ERV3-1: variants seen among roughly 807,000 people sequenced by gnomAD.
ERV3-1 encodes the protein endogenous retrovirus group 3 member 1 Env polyprotein.
ERV3-1 carries 36 observed loss-of-function variants against 24.6 expected under a neutral mutation model. The ratio of observed to expected loss-of-function variants is 1.47; its 90% CI spans 1.12 to 1.94. The LOEUF (loss-of-function observed/expected upper bound fraction) is 1.94, where lower values mean the gene tolerates loss of function less well. ERV3-1 is among the 30% of genes most tolerant of loss of function. The pLI is 0.00. For missense variants in ERV3-1, 578 were observed against 330.9 expected (o/e 1.75, Z -5.79); for synonymous variants, 211 against 122.6 (o/e 1.72, Z -4.76).
chr7:64,996,805 G>T (rs1379803399), intron 1 of ERV3-1, among the ~76,000 whole-genome samples: 1 of 152,198 alleles, frequency 6.6e-6, no homozygotes, highest in East Asian at 1.9e-4. Flanking sequence ...TCACTACCAA[G>T]TGTTCAGCCC....
chr7:64,994,668 A>C (rs1213123209), intron 1 of ERV3-1, among the ~76,000 whole-genome samples: 2 of 152,040 alleles, frequency 1.3e-5, no homozygotes, highest in African/African-American at 4.8e-5. Context: ...TTTCCATTTT[A>C]TTTCTTTGCC....
chr7:64,993,901 T>C (rs73365374), intron 1 of ERV3-1, among the ~76,000 whole-genome samples: 2,092 of 152,296 alleles, frequency 0.014, 42 homozygotes, highest in African/African-American at 0.047. Flanking sequence ...AACACTCGTG[T>C]TAGTTCCTGA....
chr7:64,998,805 C>T lies in ERV3-1; in HGVS notation c.-388-5391G>A, dbSNP rs547559563. 2.6e-5 allele frequency among the ~76,000 whole-genome samples: 4 copies of T among 152,278 alleles called. No individual in the cohort carries two copies. The South Asian group carries it at 6.2e-4, about 24-fold the overall frequency. ...CCCAAAGGATGTTTGCCACTAGTCT[C>T]GGTCGGTTCCACACTTCACTCAGAT... On this transcript the variant is annotated intron_variant, in intron 1 of 1. Coordinates refer to ENST00000394323, the MANE Select transcript of ERV3-1 (RefSeq NM_001007253.4).
rs906592841 is a variant in ERV3-1, at chr7:65,006,683, G to A, written c.-531C>T. Reference sequence around the variant, plus strand: ...ACACCAGAAGCTCCGGCTGCCGCCAGAGACAAAGGCCCCACCAAACCCGGA... The same window carrying A: ...ACACCAGAAGCTCCGGCTGCCGCCAAAGACAAAGGCCCCACCAAACCCGGA... On this transcript the variant is annotated 5_prime_UTR_variant, in exon 1 of 2. Transcript: ENST00000394323. 6.8e-5 allele frequency: 99 copies of A among 1,459,192 alleles called. No homozygotes were observed. Among genetic ancestry groups the A allele is most frequent in the Non-Finnish European group, 8.8e-5 (92 of 1,047,162 alleles). 90.4% of individuals were successfully genotyped at this position (1,459,192 alleles called of 1,614,324 possible). A position where few individuals can be genotyped will look rare whatever the true frequency, so the allele number is the denominator to read the frequency against.
chr7:64,995,469 A>C (rs1254426570), intron 1 of ERV3-1, among the ~76,000 whole-genome samples: 2 of 152,136 alleles, frequency 1.3e-5, no homozygotes, highest in Non-Finnish European at 2.9e-5. Context: ...TTGTTTAAAC[A>C]CCTTCTTCTG....
intron 1 of ERV3-1, among the ~76,000 whole-genome samples, chr7:65,000,430 A>G (rs1786495692): frequency 6.6e-6 from 1 of 151,636 alleles, no homozygotes; most frequent in African/African-American, 2.4e-5. Flanking sequence ...TCATCGTGTT[A>G]GCCAGGATGG....
At chr7:64,999,688 A>C (rs1786478600) in intron 1 of ERV3-1, among the ~76,000 whole-genome samples, 1 of 152,234 alleles carries the variant, frequency 6.6e-6, no homozygotes, top group Admixed American at 6.5e-5. Context: ...AACTTGCAGA[A>C]ATAGTTACAA....
chr7:64,996,799 T>C (rs1330169916), intron 1 of ERV3-1, among the ~76,000 whole-genome samples: 2 of 152,208 alleles, frequency 1.3e-5, no homozygotes, highest in Non-Finnish European at 2.9e-5. Flanking sequence ...GCTGGGTCAC[T>C]ACCAAGTGTT....
chr7:65,000,425 G>A (rs925710584), intron 1 of ERV3-1, among the ~76,000 whole-genome samples: 13 of 151,494 alleles, frequency 8.6e-5, no homozygotes, highest in Admixed American at 2.6e-4. Flanking sequence ...GGGTGTCATC[G>A]TGTTAGCCAG....
chr7:64,995,513 C>T (rs933328610), intron 1 of ERV3-1, among the ~76,000 whole-genome samples: 2 of 152,150 alleles, frequency 1.3e-5, no homozygotes, highest in Non-Finnish European at 2.9e-5. Flanking sequence ...CCTTTTCACC[C>T]TCCCTTGTGG....
Position 64,991,430 on chromosome 7 carries a change from A to G in ERV3-1, c.1597T>C (p.Leu533=). 1 of 704,048 alleles carries G rather than the reference A, an allele frequency of 1.4e-6. No homozygotes were observed. The highest frequency in any genetic ancestry group is 2.6e-6 in the Non-Finnish European group (1 of 384,950). 43.6% of individuals were successfully genotyped at this position (704,048 alleles called of 1,614,324 possible). ...EIITNETAGA[L]NLLAQQATKM... ...GTGGCTTGCTGGGCAAGCAGATTCA[A>G]GGCCCCTGCAGTTTCATTGGTAATG... The change falls in exon 2 of 2, where the codon TTG becomes CTG. Residue 533 remains leucine, a synonymous_variant. Transcript: ENST00000394323.
intron 1 of ERV3-1, among the ~76,000 whole-genome samples, chr7:64,994,249 CG>C (rs1214392648): frequency 1.1e-4 from 17 of 152,228 alleles, no homozygotes; most frequent in Middle Eastern, 6.8e-3. Flanking sequence ...CAGTGAGTCG[CG>C]GCACATAGAA....
At position 64,992,215 on chromosome 7, in the gene ERV3-1, A is replaced by G; in HGVS notation, c.812T>C (p.Leu271Ser). 1.3e-6 allele frequency: 1 copy of G among 766,352 alleles called. No individual in the cohort carries two copies. The allele number at this position is 766,352 out of a possible 1,614,324, so 47.5% of individuals were successfully genotyped here. ...VNQKLPEPPP[L>S]ASNLFAQLAE... The stretch of plus-strand genomic sequence containing the variant: ...CAGTTGGGCGAATAAATTACTGGCC[A>G]AGGGAGGGGGCTCAGGCAATTTCTG... Residue 271 changes from leucine to serine, a missense_variant, in exon 2 of 2, where the codon TTG becomes TCG. Physicochemically the swap from Leu to Ser is moderately radical, Grantham distance 145. Coordinates refer to ENST00000394323, the MANE Select transcript of ERV3-1 (RefSeq NM_001007253.4).
At chr7:65,005,362 G>A (rs1420061934) in intron 1 of ERV3-1, among the ~76,000 whole-genome samples, 1 of 152,146 alleles carries the variant, frequency 6.6e-6, no homozygotes. Context: ...TTCTGATAAG[G>A]TTTCTGTGGC....
At chr7:64,996,917 T>C (rs1312365312) in intron 1 of ERV3-1, among the ~76,000 whole-genome samples, 4 of 152,228 alleles carry the variant, frequency 2.6e-5, no homozygotes, top group Admixed American at 6.5e-5. Context: ...CTAATCTTCA[T>C]ATTCTCCAGT....
chr7:64,995,811 G>A, intron 1 of ERV3-1, among the ~76,000 whole-genome samples: 1 of 152,232 alleles, frequency 6.6e-6, no homozygotes, highest in East Asian at 1.9e-4. Context: ...CTCTTGGGTT[G>A]GGGCTGCCAA....
chr7:64,993,052 G>A lies in ERV3-1; in HGVS notation c.-26C>T, dbSNP rs1319787016. 1.4e-6 allele frequency: 1 copy of A among 707,844 alleles called. No homozygotes were observed. The highest frequency in any genetic ancestry group is 1.9e-5 in the Admixed American group (1 of 51,380). 43.8% of individuals were successfully genotyped at this position (707,844 alleles called of 1,614,324 possible). ...GGACAGAAAAGGCTTTTTCCTGGGGGGAGAAGGCTAAGCAAAGTGACAGCT... is the reference window on the plus strand; with the variant it reads ...GGACAGAAAAGGCTTTTTCCTGGGGAGAGAAGGCTAAGCAAAGTGACAGCT... On this transcript the variant is annotated 5_prime_UTR_variant, in exon 2 of 2. Transcript: ENST00000394323.
At chr7:65,003,471 G>A (rs1296861938) in intron 1 of ERV3-1, among the ~76,000 whole-genome samples, 1 of 151,966 alleles carries the variant, frequency 6.6e-6, no homozygotes, top group Non-Finnish European at 1.5e-5. Flanking sequence ...ACAGAGCAAG[G>A]CTCTGTCAAG....
intron 1 of ERV3-1, among the ~76,000 whole-genome samples, chr7:64,997,175 T>C (rs751350126): frequency 6.6e-6 from 1 of 152,216 alleles, no homozygotes; most frequent in Non-Finnish European, 1.5e-5. Flanking sequence ...GATGCTAGTT[T>C]CCCTTCCTGT....
Sources: allele counts gnomAD v4.1 joint callset (sites outside exome capture counted in the v4.1 genomes callset), GRCh38; gene constraint gnomAD v4.1.1; transcripts MANE v1.5; gene names NCBI Gene and HGNC (gene_info 2026-07-23, HGNC 2026-07-21).